Variants in MYO16 observed in about 807,000 individuals in gnomAD.
MYO16 encodes the protein myosin XVI.
A neutral mutation model predicts 205.3 loss-of-function variants in MYO16; 94 were observed. The observed-to-expected ratio is 0.46, with a 90% CI of 0.39 to 0.54. The LOEUF (loss-of-function observed/expected upper bound fraction) is 0.54. MYO16 is among the 20% of genes least tolerant of loss of function. MYO16 has a pLI of 0.00. For missense variants in MYO16, 2,315 were observed against 2,387.5 expected, an observed-to-expected ratio of 0.97 and a Z score of 0.63; for synonymous variants, 988 against 954.0, an observed-to-expected ratio of 1.04 and a Z score of -0.66.
At chr13:108,523,420 A>G in the MYO16 span, among the ~76,000 whole-genome samples, 1 of 152,160 alleles carries the variant, frequency 6.6e-6, no homozygotes, top group Non-Finnish European at 1.5e-5. Flanking sequence ...GCAGTCTCCC[A>G]TGACGTTTCT....
At chr13:108,604,457 G>A (rs1396619392) in intron 1 of MYO16, among the ~76,000 whole-genome samples, 1 of 152,170 alleles carries the variant, frequency 6.6e-6, no homozygotes, top group East Asian at 1.9e-4. Flanking sequence ...AAGTATAGAT[G>A]AAAATCATAG....
intron 23 of MYO16, among the ~76,000 whole-genome samples, chr13:109,035,377 G>T (rs919773154): frequency 6.6e-6 from 1 of 152,062 alleles, no homozygotes; most frequent in African/African-American, 2.4e-5. Flanking sequence ...GAAGGACTGT[G>T]TTTCTTTATT....
At chr13:109,049,970 G>A (rs76312466) in intron 24 of MYO16, among the ~76,000 whole-genome samples, 4 of 142,838 alleles carry the variant, frequency 2.8e-5, no homozygotes, top group Admixed American at 7.0e-5. Flanking sequence ...GTGTGTGTGT[G>A]TGTGTGTTTA....
At chr13:109,036,749 T>G (rs1023609203) in intron 23 of MYO16, among the ~76,000 whole-genome samples, 2 of 152,194 alleles carry the variant, frequency 1.3e-5, no homozygotes, top group African/African-American at 4.8e-5. Flanking sequence ...GACGCTGCCA[T>G]GTACTGCATG....
At chr13:108,896,864 C>G (rs1313227937) in intron 14 of MYO16, among the ~76,000 whole-genome samples, 1 of 151,934 alleles carries the variant, frequency 6.6e-6, no homozygotes, top group African/African-American at 2.4e-5. Context: ...CCCAGCTACT[C>G]CAGAGGCTGA....
chr13:108,835,268 CA>C (rs1225141692), intron 9 of MYO16, among the ~76,000 whole-genome samples: 1 of 152,108 alleles, frequency 6.6e-6, no homozygotes, highest in East Asian at 1.9e-4. Context: ...CGAGTTCTCA[CA>C]AGATCTGATG....
At chr13:108,829,265 T>C (rs1348795528) in intron 9 of MYO16, among the ~76,000 whole-genome samples, 1 of 152,188 alleles carries the variant, frequency 6.6e-6, no homozygotes, top group Non-Finnish European at 1.5e-5. Context: ...AGTTAATATT[T>C]ATAGAGCATT....
Position 109,125,030 on chromosome 13 carries a change from A to T in MYO16, c.3536-82A>T. The T allele has an allele frequency of 7.1e-7, 1 of 1,415,188 alleles. No homozygotes were observed. The highest frequency in any genetic ancestry group is 9.7e-7 in the Non-Finnish European group (1 of 1,026,394). 87.7% of individuals were successfully genotyped at this position (1,415,188 alleles called of 1,614,324 possible). On this transcript the variant is annotated intron_variant, in intron 29 of 34. Transcript: ENST00000457511. This position sits in a 1 kb window ranked among gnomAD's most constrained non-coding sequence, Gnocchi z 4.0. ...CCTTATTCTACAACTGCTCAGAGAT[A>T]AGTATATTATGATTTTTGTTTGTGC... is the stretch of plus-strand genomic sequence containing the variant.
chr13:108,869,477 C>T (rs956193937), intron 12 of MYO16, among the ~76,000 whole-genome samples: 2 of 151,706 alleles, frequency 1.3e-5, no homozygotes, highest in Admixed American at 6.6e-5. Flanking sequence ...GTAATCCCAG[C>T]ACTTTGGGAG....
chr13:108,782,441 T>A (rs2391695), intron 4 of MYO16, among the ~76,000 whole-genome samples: 51,855 of 152,090 alleles, frequency 0.34, 10,058 homozygotes, highest in East Asian at 0.63. Flanking sequence ...AAAGCATTCC[T>A]TTTTAAAAGG....
At chr13:108,830,410 C>T (rs891533396) in intron 9 of MYO16, among the ~76,000 whole-genome samples, 7 of 150,902 alleles carry the variant, frequency 4.6e-5, no homozygotes, top group East Asian at 1.9e-4. Context: ...CACATATACA[C>T]GATGGAATAC....
intron 27 of MYO16, among the ~76,000 whole-genome samples, chr13:109,083,344 C>T (rs901377153): frequency 1.7e-5 from 2 of 121,074 alleles, no homozygotes; most frequent in African/African-American, 6.4e-5. Context: ...GATTGCACCA[C>T]TGTACTCCAG....
chr13:108,950,706 G>A (rs897933188), intron 16 of MYO16, among the ~76,000 whole-genome samples: 3 of 152,202 alleles, frequency 2.0e-5, no homozygotes, highest in Non-Finnish European at 4.4e-5. Flanking sequence ...ATCCGACCAA[G>A]AGAAGTGAAG....
intron 22 of MYO16, among the ~76,000 whole-genome samples, chr13:109,016,628 TG>T (rs55777549): frequency 0.39 from 59,782 of 151,952 alleles, 12,043 homozygotes; most frequent in East Asian, 0.66. Context: ...ACTTGCTTTA[TG>T]AATCTAGGTG....
Position 109,164,969 on chromosome 13 carries a change from C to G in MYO16, c.5233C>G (p.Gln1745Glu). ...PSTSEITSET[Q>E]DRNANNHGIQ... ...TACGTCAGAAATTACTTCCGAGACT[C>G]AAGACAGAAATGCAAATAACCATGG... The change falls in exon 33 of 35, where the codon CAA becomes GAA. Residue 1745 changes from glutamine to glutamate, a missense_variant. Physicochemically the swap from Gln to Glu is conservative, Grantham distance 29. This residue lies in a region of MYO16 where 1,097 missense variants were observed against 1,092.0 expected (regional missense o/e 1.00). Coordinates refer to ENST00000457511, the MANE Select transcript of MYO16 (RefSeq NM_001198950.3). The G allele has an allele frequency of 6.2e-7, 1 of 1,608,102 alleles. No individual in the cohort carries two copies. The highest frequency in any genetic ancestry group is 8.5e-7 in the Non-Finnish European group (1 of 1,176,242).
chr13:109,192,665 C>T (rs1025518336), intron 34 of MYO16, among the ~76,000 whole-genome samples: 1 of 152,182 alleles, frequency 6.6e-6, no homozygotes, highest in Non-Finnish European at 1.5e-5. Context: ...CCAACCTTGA[C>T]TATCTTCTAT....
intron 1 of MYO16, among the ~76,000 whole-genome samples, chr13:108,598,687 G>A (rs978494894): frequency 6.6e-6 from 1 of 152,156 alleles, no homozygotes; most frequent in Non-Finnish European, 1.5e-5. Context: ...TGATTTGTAA[G>A]GATGAGTATG....
At chr13:108,550,622 G>A in the MYO16 span, among the ~76,000 whole-genome samples, 1 of 152,154 alleles carries the variant, frequency 6.6e-6, no homozygotes, top group South Asian at 2.1e-4. Flanking sequence ...ACTGATTTAA[G>A]TTATAATGTC....
chr13:108,700,348 AAAG>A (rs56374914), intron 2 of MYO16, among the ~76,000 whole-genome samples: 3 of 129,564 alleles, frequency 2.3e-5, no homozygotes, highest in African/African-American at 6.0e-5. Flanking sequence ...AAAAAAAAAA[AAAG>A]AAGAAGAAGA....
Sources: gnomAD v4.1 joint callset for allele counts (sites outside exome capture counted in the v4.1 genomes callset) on GRCh38, gnomAD v4.1.1 for gene constraint, gnomAD v4.1.1 regional missense constraint, Gnocchi (gnomAD v3.1) non-coding constraint, MANE v1.5 for transcripts, NCBI Gene and HGNC (gene_info 2026-07-23, HGNC 2026-07-21) for gene names.